Variants in PLEK2 observed in about 807,000 individuals in gnomAD.
The protein encoded by PLEK2 is pleckstrin 2.
PLEK2 carries 29 observed loss-of-function variants against 43.8 expected under a neutral mutation model. The ratio of observed to expected loss-of-function variants is 0.66; its 90% CI spans 0.49 to 0.90. The LOEUF (loss-of-function observed/expected upper bound fraction) is 0.90, where lower values mean the gene tolerates loss of function less well. PLEK2 is among the 40% of genes least tolerant of loss of function. PLEK2 has a pLI of 0.00. For missense variants in PLEK2, 398 were observed against 448.1 expected (o/e 0.89, Z 1.01); for synonymous variants, 162 against 173.2 (o/e 0.94, Z 0.51).
intron 1 of PLEK2, among the ~76,000 whole-genome samples, chr14:67,411,414 T>A (rs1455655922): frequency 6.6e-6 from 1 of 152,082 alleles, no homozygotes; most frequent in Non-Finnish European, 1.5e-5. Flanking sequence ...TAGAGTGATG[T>A]CAGTACCCAC....
chr14:67,390,568 G>T, intron 7 of PLEK2, 95 bp downstream of exon 7: 1 of 868,088 alleles, frequency 1.2e-6, no homozygotes. Context: ...GCCAGGGGAA[G>T]GCAGGATATC....
chr14:67,397,987 C>T, intron 1 of PLEK2, 161 bp from the exon 2 acceptor site: 1 of 515,584 alleles, frequency 1.9e-6, no homozygotes, highest in Admixed American at 3.8e-5. Context: ...GAGTACGTAG[C>T]AAAGACCTTT....
In PLEK2 at chr14:67,397,906, C is replaced by T; in HGVS notation, c.43-80G>A. ...TTCAGGGAGGGGGTGTCTGGTGGCA[C>T]AAGTAACCAGACTGTGCTGTGGAAA... On this transcript the variant is annotated intron_variant, in intron 1 of 8. Transcript: ENST00000216446. 5 of 1,152,502 alleles carry T rather than the reference C, an allele frequency of 4.3e-6. No individual in the cohort carries two copies. In the South Asian group the frequency reaches 4.8e-5, roughly 11 times the overall value. 71.4% of individuals were successfully genotyped at this position (1,152,502 alleles called of 1,614,324 possible). A position where few individuals can be genotyped will look rare whatever the true frequency, so the allele number is the denominator to read the frequency against.
At chr14:67,402,273 A>AC (rs1264940868) in intron 1 of PLEK2, among the ~76,000 whole-genome samples, 1 of 152,100 alleles carries the variant, frequency 6.6e-6, no homozygotes, top group Non-Finnish European at 1.5e-5. Flanking sequence ...TTTTACTTTA[A>AC]ATTTTTTTAT....
At chr14:67,397,219 G>A (rs542521968) in intron 2 of PLEK2, among the ~76,000 whole-genome samples, 34 of 152,298 alleles carry the variant, frequency 2.2e-4, no homozygotes, top group Non-Finnish European at 4.4e-4. Flanking sequence ...GATTACAGGC[G>A]TGAGCCACCA....
rs762471175 is a variant in PLEK2 at position 67,395,524 on chromosome 14, T to C, written c.267A>G (p.Arg89=). ...CAAAGGCCCAGGCATCCCGCTCCTC[T>C]CGAGAACAGGCCTCCAGGAAGTACT... is the stretch of plus-strand genomic sequence containing the variant. The part of the protein sequence containing the change: ...STEYFLEACS[R]EERDAWAFEI... Residue 89 remains arginine (R), a synonymous_variant, in exon 3 of 9, where the codon CGA becomes CGG. Transcript: ENST00000216446. 28 of 1,613,958 alleles carry C rather than the reference T, an allele frequency of 1.7e-5. No individual in the cohort carries two copies. The highest frequency in any genetic ancestry group is 3.3e-4 in the Middle Eastern group (2 of 6,082).
rs746298846 is a variant in PLEK2 at position 67,392,858 on chromosome 14, G to A, written c.482-9C>T. The A allele has an allele frequency of 6.2e-7, 1 of 1,603,134 alleles. No homozygotes were observed. Among genetic ancestry groups the A allele is most frequent in the Admixed American group, 1.7e-5 (1 of 59,130 alleles). On this transcript the variant is annotated splice_polypyrimidine_tract_variant and intron_variant, in intron 4 of 8. Transcript: ENST00000216446. ...GTCCACCAGGGAGGAGCCTGGCCAAGGGCAGCACCAGTCAGGCGATGGGTG... is the reference window on the plus strand; with the variant it reads ...GTCCACCAGGGAGGAGCCTGGCCAAAGGCAGCACCAGTCAGGCGATGGGTG...
In PLEK2 at chr14:67,395,541, G is replaced by T; in HGVS notation, c.250C>A (p.Leu84Met). 6.2e-7 allele frequency: 1 copy of T among 1,614,176 alleles called. No individual in the cohort carries two copies. The highest frequency in any genetic ancestry group is 8.5e-7 in the Non-Finnish European group (1 of 1,179,990). ...CGCTCCTCTCGAGAACAGGCCTCCA[G>T]GAAGTACTCCGTGGATGTTTGAGTC... ...LKTQTSTEYF[L>M]EACSREERDA... The change falls in exon 3 of 9, where the codon CTG becomes ATG. Residue 84 changes from leucine to methionine, a missense_variant. Transcript: ENST00000216446.
intron 1 of PLEK2, among the ~76,000 whole-genome samples, chr14:67,404,310 T>C (rs1270942968): frequency 2.6e-5 from 4 of 152,082 alleles, no homozygotes; most frequent in African/African-American, 9.7e-5. Flanking sequence ...CAAAGCACTT[T>C]TACTCATATT....
chr14:67,391,764 C>G (rs2085970060), intron 6 of PLEK2, among the ~76,000 whole-genome samples: 1 of 152,222 alleles, frequency 6.6e-6, no homozygotes. Context: ...CAGGACACGG[C>G]TTGCCTCTGG....
Position 67,387,047 on chromosome 14 carries a change from A to G in PLEK2, c.*282T>C. On this transcript the variant is annotated 3_prime_UTR_variant, in exon 9 of 9. Transcript: ENST00000216446. ...CAGTGTAATTGTTCCAACAAAGGGA[A>G]CCTACTTTGGTGCCCGAGGAAATGG... 3.7e-6 allele frequency: 1 copy of G among 272,852 alleles called. No individual in the cohort carries two copies. Among genetic ancestry groups the G allele is most frequent in the Non-Finnish European group, 6.8e-6 (1 of 146,426 alleles). The allele number at this position is 272,852 out of a possible 1,614,324, so 16.9% of individuals were successfully genotyped here. A position where few individuals can be genotyped will look rare whatever the true frequency, so the allele number is the denominator to read the frequency against.
chr14:67,409,966 G>A (rs1170563007), intron 1 of PLEK2, among the ~76,000 whole-genome samples: 1 of 152,126 alleles, frequency 6.6e-6, no homozygotes, highest in African/African-American at 2.4e-5. Flanking sequence ...GCAGGGAGGG[G>A]TGTGACTTCT....
At chr14:67,395,766 C>A (rs951439946) in intron 2 of PLEK2, among the ~76,000 whole-genome samples, 183 bp from the exon 3 acceptor site, 4 of 152,172 alleles carry the variant, frequency 2.6e-5, no homozygotes, top group African/African-American at 4.8e-5. Context: ...AGGAAGCTTG[C>A]GGCCTCACAC....
intron 1 of PLEK2, among the ~76,000 whole-genome samples, chr14:67,404,835 T>G (rs1023545382): frequency 6.6e-6 from 1 of 151,996 alleles, no homozygotes; most frequent in African/African-American, 2.4e-5. Context: ...AGTACATAAG[T>G]ATTTCTAATA....
At chr14:67,388,431 T>G in intron 7 of PLEK2, 129 bp from the exon 8 acceptor site, 1 of 684,372 alleles carries the variant, frequency 1.5e-6, no homozygotes, top group Middle Eastern at 2.5e-4. Context: ...GAAGCTGAAC[T>G]TGGACATCAC....
At chr14:67,411,098 G>A (rs1030947511) in intron 1 of PLEK2, among the ~76,000 whole-genome samples, 1 of 139,390 alleles carries the variant, frequency 7.2e-6, no homozygotes. Context: ...GGTGAGCCAG[G>A]ATTGTGCCAC....
Position 67,387,248 on chromosome 14 carries a change from G to GTCT in PLEK2, c.*78_*80dup, listed in dbSNP as rs1219885320. ...TACAAAACTTACAAAGAAGTCAAAA[G>GTCT]TCTTAACACTCCCATTCTCCAGGAA... On this transcript the variant is annotated 3_prime_UTR_variant, in exon 9 of 9. Transcript: ENST00000216446. 7.1e-7 allele frequency: 1 copy of GTCT among 1,407,060 alleles called. No homozygotes were observed. The highest frequency in any genetic ancestry group is 1.5e-5 in the African/African-American group (1 of 68,434). The allele number at this position is 1,407,060 out of a possible 1,614,324, so 87.2% of individuals were successfully genotyped here.
intron 7 of PLEK2, among the ~76,000 whole-genome samples, chr14:67,390,073 C>A (rs776213602): frequency 6.6e-6 from 1 of 152,230 alleles, no homozygotes; most frequent in Non-Finnish European, 1.5e-5. Context: ...CAAGGCTGAA[C>A]AGCTAACTAA....
At chr14:67,399,099 T>G (rs1351976877) in intron 1 of PLEK2, among the ~76,000 whole-genome samples, 1 of 152,242 alleles carries the variant, frequency 6.6e-6, no homozygotes, top group Non-Finnish European at 1.5e-5. Context: ...TCAAAGGATG[T>G]GGGCAATATG....
Sources: allele counts gnomAD v4.1 joint callset (sites outside exome capture counted in the v4.1 genomes callset), GRCh38; gene constraint gnomAD v4.1.1; transcripts MANE v1.5; gene names NCBI Gene and HGNC (gene_info 2026-07-23, HGNC 2026-07-21).